Variants in LRRTM3 observed in about 807,000 individuals in gnomAD.
LRRTM3 encodes leucine-rich repeat transmembrane neuronal protein 3.
A neutral mutation model predicts 44.7 loss-of-function variants in LRRTM3; 24 were observed. The ratio of observed to expected loss-of-function variants is 0.54; its 90% CI spans 0.39 to 0.76. The LOEUF is 0.76. LRRTM3 is among the 30% of genes least tolerant of loss of function. LRRTM3 has a pLI of 0.00. For missense variants in LRRTM3, 587 were observed against 702.2 expected (o/e 0.84, Z 1.85); for synonymous variants, 277 against 278.7 (o/e 0.99, Z 0.06).
chr10:67,014,958 A>G (rs533260173), intron 2 of LRRTM3, among the ~76,000 whole-genome samples: 1 of 152,214 alleles, frequency 6.6e-6, no homozygotes, highest in East Asian at 1.9e-4. Context: ...TAATTTGACT[A>G]AAGAAAATTT....
At chr10:66,974,154 C>A (rs2132842978) in intron 2 of LRRTM3, among the ~76,000 whole-genome samples, 1 of 152,148 alleles carries the variant, frequency 6.6e-6, no homozygotes, top group Admixed American at 6.5e-5. Flanking sequence ...ATTAATTTTG[C>A]CTAATTTCGA....
intron 2 of LRRTM3, among the ~76,000 whole-genome samples, chr10:67,065,052 A>G (rs563577238): frequency 4.7e-4 from 72 of 152,300 alleles, no homozygotes; most frequent in Admixed American, 4.7e-3. Context: ...AGTCCCATAA[A>G]GCCTCAGTAG....
intron 2 of LRRTM3, among the ~76,000 whole-genome samples, chr10:66,965,010 G>A (rs896595646): frequency 6.6e-5 from 10 of 152,122 alleles, no homozygotes; most frequent in Non-Finnish European, 1.0e-4. Context: ...AGATTGCCAC[G>A]TTCCACTCTT....
chr10:67,080,052 T>C (rs1856970852), intron 2 of LRRTM3, among the ~76,000 whole-genome samples: 2 of 152,128 alleles, frequency 1.3e-5, no homozygotes, highest in South Asian at 4.1e-4. Context: ...GCATGCAGAA[T>C]TTAACCTGCC....
intron 2 of LRRTM3, among the ~76,000 whole-genome samples, chr10:66,992,865 G>A (rs1851116127): frequency 6.6e-6 from 1 of 151,984 alleles, no homozygotes; most frequent in Admixed American, 6.6e-5. Context: ...TATGAGTGAG[G>A]ACTGCTTTGA....
intron 2 of LRRTM3, among the ~76,000 whole-genome samples, chr10:66,991,013 G>A (rs1851009929): frequency 6.6e-6 from 1 of 152,126 alleles, no homozygotes; most frequent in Admixed American, 6.6e-5. Flanking sequence ...ACAAATATCT[G>A]CTAATGATGG....
intron 2 of LRRTM3, among the ~76,000 whole-genome samples, chr10:66,947,421 G>C (rs765027771): frequency 1.3e-5 from 2 of 151,998 alleles, no homozygotes; most frequent in Admixed American, 6.6e-5. Context: ...TCTTTATGAG[G>C]GTCCATGGGG....
At chr10:67,062,518 T>C (rs745957674) in intron 2 of LRRTM3, among the ~76,000 whole-genome samples, 3 of 152,176 alleles carry the variant, frequency 2.0e-5, no homozygotes, top group Non-Finnish European at 4.4e-5. Context: ...GTTGAAAGTG[T>C]GTGTGTGTCT....
intron 2 of LRRTM3, among the ~76,000 whole-genome samples, chr10:67,067,837 A>C (rs1351514634): frequency 6.6e-6 from 1 of 152,226 alleles, no homozygotes; most frequent in Non-Finnish European, 1.5e-5. Flanking sequence ...TCTCAGTCTC[A>C]TGAATAAATG....
chr10:67,026,966 A>T (rs1853429281), intron 2 of LRRTM3, among the ~76,000 whole-genome samples: 2 of 152,228 alleles, frequency 1.3e-5, no homozygotes. Flanking sequence ...TGTATAAGAC[A>T]CAGTTAATTC....
intron 2 of LRRTM3, among the ~76,000 whole-genome samples, chr10:66,987,770 A>G (rs1288844945): frequency 1.3e-5 from 2 of 152,228 alleles, no homozygotes; most frequent in Non-Finnish European, 2.9e-5. Context: ...CTGTGAATTT[A>G]GCTCATGATA....
chr10:66,926,592 GT>G lies in LRRTM3; in HGVS notation c.4+9del. The G allele has an allele frequency of 6.2e-7, 1 of 1,613,890 alleles. No homozygotes were observed. Among genetic ancestry groups the G allele is most frequent in the Non-Finnish European group, 8.5e-7 (1 of 1,179,948 alleles). On this transcript the variant is annotated splice_donor_region_variant and intron_variant, in intron 1 of 2. Transcript: ENST00000361320. ...TTTGAACAATACAAAGGATGGGTATGTTTTGTCATTTTTCTTCTTTCCTTCT... is the reference window on the plus strand; with the variant it reads ...TTTGAACAATACAAAGGATGGGTATGTTTGTCATTTTTCTTCTTTCCTTCT...
intron 2 of LRRTM3, among the ~76,000 whole-genome samples, chr10:67,048,505 G>A (rs1320136653): frequency 6.6e-6 from 1 of 151,978 alleles, no homozygotes; most frequent in Non-Finnish European, 1.5e-5. Flanking sequence ...AGGAAATATT[G>A]CACAGCTCAC....
chr10:67,050,476 T>G (rs1345780657), intron 2 of LRRTM3, among the ~76,000 whole-genome samples: 1 of 152,210 alleles, frequency 6.6e-6, no homozygotes, highest in Non-Finnish European at 1.5e-5. Context: ...CAGCTTAGAT[T>G]GCAGAACAGA....
chr10:66,996,649 C>CAA lies in LRRTM3; in HGVS notation c.1536+68218_1536+68219dup, dbSNP rs57025097. 7.2e-3 allele frequency among the ~76,000 whole-genome samples: 487 copies of CAA among 67,626 alleles called. 26 individuals are homozygous for CAA. Among genetic ancestry groups the CAA allele is most frequent in the Middle Eastern group, 0.031 (2 of 64 alleles). The allele number at this position is 67,626 out of a possible 152,430, so 44.4% of individuals were successfully genotyped here. A position where few individuals can be genotyped will look rare whatever the true frequency, so the allele number is the denominator to read the frequency against. ...GTGAGAGAGTGAGACTCCGTCTCTA[C>CAA]AAAAAAAAAAAAAAAAAAAAAAGCA... On this transcript the variant is annotated intron_variant, in intron 2 of 2. Coordinates refer to ENST00000361320, the MANE Select transcript of LRRTM3 (RefSeq NM_178011.5).
At chr10:67,014,334 G>A (rs998673781) in intron 2 of LRRTM3, among the ~76,000 whole-genome samples, 6 of 152,032 alleles carry the variant, frequency 3.9e-5, no homozygotes, top group Admixed American at 6.6e-5. Context: ...TTGTTGAAGG[G>A]AATCTTGGCT....
At chr10:66,978,803 T>C (rs1194131461) in intron 2 of LRRTM3, among the ~76,000 whole-genome samples, 3 of 151,078 alleles carry the variant, frequency 2.0e-5, no homozygotes, top group Non-Finnish European at 4.4e-5. Context: ...GCCTGACATA[T>C]GCAACAAATG....
At chr10:66,987,181 G>A (rs1171266355) in intron 2 of LRRTM3, among the ~76,000 whole-genome samples, 1 of 152,186 alleles carries the variant, frequency 6.6e-6, no homozygotes, top group African/African-American at 2.4e-5. Flanking sequence ...AGGACTAAGG[G>A]AGAGGGAAGC....
At chr10:67,002,677 T>C (rs201173185) in intron 2 of LRRTM3, among the ~76,000 whole-genome samples, 1 of 152,140 alleles carries the variant, frequency 6.6e-6, no homozygotes, top group African/African-American at 2.4e-5. Flanking sequence ...CCTACTTGTT[T>C]ATAAAACTTG....
Sources: gnomAD v4.1 joint callset for allele counts (sites outside exome capture counted in the v4.1 genomes callset) on GRCh38, gnomAD v4.1.1 for gene constraint, MANE v1.5 for transcripts, NCBI Gene and HGNC (gene_info 2026-07-23, HGNC 2026-07-21) for gene names.